Variants in DCC observed in about 807,000 individuals in gnomAD.
DCC encodes DCC netrin 1 receptor.
A neutral mutation model predicts 172.5 loss-of-function variants in DCC; 58 were observed. The ratio of observed to expected loss-of-function variants is 0.34; its 90% CI spans 0.27 to 0.42. The LOEUF is 0.42. Among genes scored for constraint, DCC ranks in the 10% least tolerant of loss-of-function variants. The probability of loss-of-function intolerance (pLI) is 1.00; values close to 1 mark genes in which losing one functional copy is unlikely to be tolerated. For missense variants in DCC, 1,740 were observed against 1,791.0 expected (o/e 0.97, Z 0.51); for synonymous variants, 709 against 644.5 (o/e 1.10, Z -1.52).
chr18:53,271,304 G>A (rs1313079203), intron 12 of DCC, among the ~76,000 whole-genome samples: 4 of 152,124 alleles, frequency 2.6e-5, no homozygotes, highest in Non-Finnish European at 4.4e-5. Context: ...GAAGCAATAT[G>A]TAATACTTAT....
At chr18:53,478,175 T>C (rs1014059593) in intron 25 of DCC, among the ~76,000 whole-genome samples, 3 of 152,194 alleles carry the variant, frequency 2.0e-5, no homozygotes, top group Admixed American at 6.5e-5. Flanking sequence ...CCTGAGGCTG[T>C]CCTTTAGGGT....
chr18:53,364,178 T>A (rs989747158), intron 15 of DCC, among the ~76,000 whole-genome samples: 6 of 152,182 alleles, frequency 3.9e-5, no homozygotes, highest in Non-Finnish European at 8.8e-5. Flanking sequence ...TCCTTCTTTT[T>A]ATTATCTGGG....
chr18:53,420,827 C>T (rs1190317782), intron 21 of DCC, among the ~76,000 whole-genome samples: 2 of 152,092 alleles, frequency 1.3e-5, no homozygotes, highest in Non-Finnish European at 2.9e-5. Context: ...AAAAAGAAAG[C>T]TGTTATTTCA....
intron 17 of DCC, among the ~76,000 whole-genome samples, chr18:53,393,069 G>T (rs1908671694): frequency 6.6e-6 from 1 of 152,058 alleles, no homozygotes; most frequent in African/African-American, 2.4e-5. Flanking sequence ...TTATACTTTA[G>T]CCAATGTTCT....
chr18:52,868,987 A>C (rs931813502), intron 2 of DCC, among the ~76,000 whole-genome samples: 4 of 152,192 alleles, frequency 2.6e-5, no homozygotes, highest in African/African-American at 9.6e-5. Context: ...TGTCACCTGG[A>C]ATACTGGAGA....
intron 1 of DCC, among the ~76,000 whole-genome samples, chr18:52,549,461 G>A (rs1598905748): frequency 2.6e-5 from 4 of 151,950 alleles, no homozygotes; most frequent in African/African-American, 4.8e-5. Flanking sequence ...TTCCCCCTCC[G>A]ACTAATTTGT....
intron 1 of DCC, among the ~76,000 whole-genome samples, chr18:52,679,716 G>A (rs1173391402): frequency 6.6e-6 from 1 of 152,104 alleles, no homozygotes; most frequent in East Asian, 1.9e-4. Context: ...AATCATTGCT[G>A]TAAAGAATCT....
At chr18:52,358,032 C>G (rs1984454898) in intron 1 of DCC, among the ~76,000 whole-genome samples, 1 of 152,078 alleles carries the variant, frequency 6.6e-6, no homozygotes, top group African/African-American at 2.4e-5. Context: ...GCATGTACCC[C>G]CTGATATGAT....
intron 1 of DCC, among the ~76,000 whole-genome samples, chr18:52,658,650 C>T (rs2035299986): frequency 6.6e-6 from 1 of 152,110 alleles, no homozygotes; most frequent in African/African-American, 2.4e-5. Context: ...TTATTCTATA[C>T]ATCTCCAAGT....
At chr18:52,922,133 T>G (rs2040136185) in intron 3 of DCC, among the ~76,000 whole-genome samples, 1 of 152,188 alleles carries the variant, frequency 6.6e-6, no homozygotes, top group Non-Finnish European at 1.5e-5. Context: ...AGTATTGATA[T>G]AATAAAGATG....
At chr18:53,225,213 G>A (rs1450456735) in intron 12 of DCC, among the ~76,000 whole-genome samples, 1 of 152,172 alleles carries the variant, frequency 6.6e-6, no homozygotes, top group Non-Finnish European at 1.5e-5. Flanking sequence ...AAGGGATTAA[G>A]TAGAGTGACT....
At chr18:53,002,195 C>T (rs1000460664) in intron 5 of DCC, among the ~76,000 whole-genome samples, 10 of 152,132 alleles carry the variant, frequency 6.6e-5, no homozygotes, top group Non-Finnish European at 1.2e-4. Flanking sequence ...TTGTGAAATA[C>T]AGCAAAAAGT....
At position 53,459,371 on chromosome 18, in the gene DCC, T is replaced by C. The variant is rs755631248; in HGVS notation, c.3532T>C (p.Ser1178Pro). 9 of 1,613,538 alleles carry C rather than the reference T, an allele frequency of 5.6e-6. No individual in the cohort carries two copies. In the South Asian group the frequency reaches 8.8e-5, roughly 16 times the overall value. Residue 1178 changes from serine to proline, a missense_variant, in exon 24 of 29, where the codon TCT (serine) becomes CCT (proline). By Grantham distance (74) the Ser-to-Pro change is moderately conservative. Around this residue, in one of 2 missense-constraint regions of DCC, gnomAD observed 1,732 missense variants for 1,767.4 expected, o/e 0.98. Transcript: ENST00000442544. ...TGGCACTGACCCTGCAGGAAGGGAC[T>C]CTCCCATCCAAAGTTGCCAAGACCT... Reference protein sequence around the residue: ...PSGTDPAGRDSPIQSCQDLTP... With the variant: ...PSGTDPAGRDPPIQSCQDLTP...
intron 2 of DCC, chr18:52,758,958 G>A (rs753307136): frequency 5.9e-5 from 9 of 152,120 alleles, no homozygotes; most frequent in Non-Finnish European, 1.3e-4. Flanking sequence ...CAAATGATAA[G>A]CAGAAAATTA....
intron 12 of DCC, among the ~76,000 whole-genome samples, chr18:53,284,417 G>A (rs58124115): frequency 0.016 from 2,490 of 152,158 alleles, 67 homozygotes; most frequent in African/African-American, 0.056. Flanking sequence ...TAGTGAGTAC[G>A]TCTCATGAGA....
chr18:52,716,438 A>G (rs2036385836), intron 1 of DCC, among the ~76,000 whole-genome samples: 2 of 152,198 alleles, frequency 1.3e-5, no homozygotes, highest in Non-Finnish European at 1.5e-5. Context: ...TCTTGAAGAC[A>G]TAAAGGGATG....
chr18:53,045,038 T>A (rs770084464), intron 5 of DCC, among the ~76,000 whole-genome samples: 1 of 151,860 alleles, frequency 6.6e-6, no homozygotes, highest in Non-Finnish European at 1.5e-5. Context: ...GAATGATAAG[T>A]ATGAAAATAT....
At chr18:52,809,716 G>A (rs1300122482) in intron 2 of DCC, among the ~76,000 whole-genome samples, 2 of 152,186 alleles carry the variant, frequency 1.3e-5, no homozygotes, top group African/African-American at 2.4e-5. Context: ...CAGACCAGAA[G>A]AGCGTGCAGT....
chr18:52,783,356 T>TTTTTTTTTTTTG (rs2037591107), intron 2 of DCC, among the ~76,000 whole-genome samples: 1 of 86,742 alleles, frequency 1.2e-5, no homozygotes, highest in Admixed American at 1.3e-4. Context: ...TTTTTTTTTT[T>TTTTTTTTTTTTG]TTTTTACAAC....
Sources: allele counts gnomAD v4.1 joint callset (sites outside exome capture counted in the v4.1 genomes callset), GRCh38; gene constraint gnomAD v4.1.1; regional missense constraint gnomAD v4.1.1; transcripts MANE v1.5; gene names NCBI Gene and HGNC (gene_info 2026-07-23, HGNC 2026-07-21).